ADD3: variants seen among roughly 807,000 people sequenced by gnomAD.
ADD3 encodes the protein adducin 3.
Under a neutral mutation model 80.2 loss-of-function variants are expected in ADD3, and 25 were observed. The ratio of observed to expected loss-of-function variants is 0.31; its 90% CI spans 0.23 to 0.44. The LOEUF is 0.44. Ranked by LOEUF, ADD3 falls within the 20% of genes least tolerant of loss-of-function variation. ADD3 has a pLI of 1.00. For missense variants in ADD3, 829 were observed against 847.5 expected, an observed-to-expected ratio of 0.98 and a Z score of 0.27; for synonymous variants, 284 against 289.6, an observed-to-expected ratio of 0.98 and a Z score of 0.20.
chr10:110,044,940 C>G (rs1589851974), intron 1 of ADD3, among the ~76,000 whole-genome samples: 1 of 152,350 alleles, frequency 6.6e-6, no homozygotes, highest in Middle Eastern at 3.4e-3. Context: ...TACAGTCTTA[C>G]AAGTGGAATC....
intron 12 of ADD3, 148 bp downstream of exon 12, chr10:110,126,651 C>G: frequency 1.6e-6 from 1 of 626,612 alleles, no homozygotes; most frequent in East Asian, 2.9e-5. Flanking sequence ...ACCCACAATT[C>G]CCAGTTTCCA....
intron 1 of ADD3, among the ~76,000 whole-genome samples, chr10:110,077,925 ACT>A (rs770864194): frequency 6.6e-6 from 1 of 151,740 alleles, no homozygotes; most frequent in Non-Finnish European, 1.5e-5. Context: ...TGTTATCTAT[ACT>A]CTCTGGTGTG....
chr10:110,049,318 C>A (rs902592787), intron 1 of ADD3, among the ~76,000 whole-genome samples: 1 of 152,182 alleles, frequency 6.6e-6, no homozygotes, highest in East Asian at 1.9e-4. Flanking sequence ...GGGTTGAAGC[C>A]CCCACATACA....
rs1853431899 is a variant in ADD3, at chr10:110,134,324, C to T, written c.*706C>T. ...ACATAACATGGGTTATTTAGTTTAA[C>T]TCTGGCAAAAAAAAAAAAAAAAATT... On this transcript the variant is annotated 3_prime_UTR_variant, in exon 15 of 15. Transcript: ENST00000356080. 1 of 114,118 alleles carries T rather than the reference C, an allele frequency of 8.8e-6. No homozygotes were observed. Among genetic ancestry groups the T allele is most frequent in the African/African-American group, 4.6e-5 (1 of 21,670 alleles). 7.1% of individuals were successfully genotyped at this position (114,118 alleles called of 1,614,324 possible).
intron 2 of ADD3, among the ~76,000 whole-genome samples, chr10:110,106,821 A>G (rs1849449227): frequency 6.6e-6 from 1 of 152,134 alleles, no homozygotes; most frequent in South Asian, 2.1e-4. Context: ...TGAGTTGAAG[A>G]ATTAAATGGC....
intron 1 of ADD3, among the ~76,000 whole-genome samples, chr10:110,090,576 T>C (rs530807536): frequency 6.6e-6 from 1 of 152,354 alleles, no homozygotes; most frequent in South Asian, 2.1e-4. Flanking sequence ...ACAATGTGTG[T>C]GTTATGACTA....
upstream of ADD3, among the ~76,000 whole-genome samples, chr10:110,003,302 G>GGT (rs1554893815): frequency 0.13 from 18,598 of 146,974 alleles, 1,350 homozygotes; most frequent in Non-Finnish European, 0.18. Context: ...GAACAGTAAG[G>GGT]GTGTGTGTGT....
At chr10:110,037,238 C>T (rs12248069) in intron 1 of ADD3, among the ~76,000 whole-genome samples, 19,601 of 152,200 alleles carry the variant, frequency 0.13, 3,812 homozygotes, top group African/African-American at 0.42. Context: ...ACCATGGGTT[C>T]CTACTGTTCT....
Position 110,119,306 on chromosome 10 carries a change from A to G in ADD3, c.813A>G (p.Glu271=). The part of the protein sequence containing the change: ...AYYDYQGSLE[E]QEERIQLQKV... Reference sequence around the variant, plus strand: ...ATGACTACCAAGGGTCACTTGAAGAACAGGAGGAGAGAATTCAACTGCAGA... The same window carrying G: ...ATGACTACCAAGGGTCACTTGAAGAGCAGGAGGAGAGAATTCAACTGCAGA... Residue 271 remains glutamate, a synonymous_variant, in exon 7 of 15, where the codon GAA becomes GAG. Coordinates refer to ENST00000356080, the MANE Select transcript of ADD3 (RefSeq NM_016824.5). 6.2e-7 allele frequency: 1 copy of G among 1,614,146 alleles called. No homozygotes were observed. The highest frequency in any genetic ancestry group is 1.3e-5 in the African/African-American group (1 of 75,052).
chr10:110,030,436 AACTG>A (rs879538829), intron 1 of ADD3, among the ~76,000 whole-genome samples: 5 of 151,606 alleles, frequency 3.3e-5, no homozygotes, highest in Admixed American at 2.0e-4. Context: ...ATGTTTGACA[AACTG>A]ACTGTGAGCT....
intron 1 of ADD3, among the ~76,000 whole-genome samples, chr10:110,049,463 G>A (rs1857251274): frequency 1.3e-5 from 2 of 152,228 alleles, no homozygotes; most frequent in Admixed American, 1.3e-4. Flanking sequence ...TGGGAAAGCA[G>A]CCTGAGTGGT....
At chr10:110,129,150 CT>C (rs746835809) in intron 12 of ADD3, among the ~76,000 whole-genome samples, 253 of 138,248 alleles carry the variant, frequency 1.8e-3, no homozygotes, top group Non-Finnish European at 2.6e-3. Context: ...TTCTTTCTTT[CT>C]TTTTTTTTTT....
intron 1 of ADD3, among the ~76,000 whole-genome samples, chr10:110,055,449 G>A (rs187045627): frequency 2.5e-4 from 38 of 152,278 alleles, no homozygotes; most frequent in Non-Finnish European, 4.4e-4. Flanking sequence ...AAAAATATGG[G>A]TTGCTGAGTT....
At chr10:110,036,455 C>T (rs1039047050) in intron 1 of ADD3, among the ~76,000 whole-genome samples, 1 of 147,330 alleles carries the variant, frequency 6.8e-6, no homozygotes, top group African/African-American at 2.5e-5. Context: ...TCTCAGCTCA[C>T]TGCAAGCCCC....
chr10:110,102,390 C>T (rs1848916540), intron 2 of ADD3, among the ~76,000 whole-genome samples: 1 of 152,126 alleles, frequency 6.6e-6, no homozygotes, highest in Non-Finnish European at 1.5e-5. Context: ...AAGAGGATTG[C>T]TTGAGCCTAG....
chr10:110,044,976 A>G (rs1256197051), intron 1 of ADD3, among the ~76,000 whole-genome samples: 1 of 152,244 alleles, frequency 6.6e-6, no homozygotes, highest in Non-Finnish European at 1.5e-5. Flanking sequence ...TCCAGACCTG[A>G]GGAAGAACGT....
chr10:110,036,375 CTTTTTTT>C (rs551028000), intron 1 of ADD3, among the ~76,000 whole-genome samples: 5 of 116,796 alleles, frequency 4.3e-5, no homozygotes, highest in Non-Finnish European at 6.8e-5. Context: ...TAGAAAGTGT[CTTTTTTT>C]TTTTTTTTTT....
At chr10:110,084,395 T>G (rs946440015) in intron 1 of ADD3, among the ~76,000 whole-genome samples, 1 of 152,226 alleles carries the variant, frequency 6.6e-6, no homozygotes, top group Non-Finnish European at 1.5e-5. Flanking sequence ...TTATTTAATG[T>G]ACAGTAGCAC....
At chr10:110,063,188 G>T (rs1044972687) in intron 1 of ADD3, among the ~76,000 whole-genome samples, 4 of 152,138 alleles carry the variant, frequency 2.6e-5, no homozygotes, top group African/African-American at 9.7e-5. Flanking sequence ...GGCATCAGGA[G>T]CTGAAGATGG....
Sources: gnomAD v4.1 joint callset for allele counts (sites outside exome capture counted in the v4.1 genomes callset) on GRCh38, gnomAD v4.1.1 for gene constraint, MANE v1.5 for transcripts, NCBI Gene and HGNC (gene_info 2026-07-23, HGNC 2026-07-21) for gene names.